The following MYO16 variants were observed in gnomAD, a reference collection of about 807,000 sequenced individuals.
MYO16 encodes the protein unconventional myosin-XVI.
Under a neutral mutation model 205.3 loss-of-function variants are expected in MYO16, and 94 were observed. That is an observed-to-expected ratio of 0.46 (90% CI 0.39 to 0.54). MYO16 has a LOEUF of 0.54. Ranked by LOEUF, MYO16 falls within the 20% of genes least tolerant of loss-of-function variation. MYO16 has a pLI of 0.00. For synonymous variants in MYO16, 988 were observed against 954.0 expected, an observed-to-expected ratio of 1.04 and a Z score of -0.66; for missense variants, 2,315 against 2,387.5, an observed-to-expected ratio of 0.97 and a Z score of 0.63.
At chr13:108,887,045 G>A (rs538952488) in intron 13 of MYO16, among the ~76,000 whole-genome samples, 2 of 152,204 alleles carry the variant, frequency 1.3e-5, no homozygotes, top group Non-Finnish European at 2.9e-5. Flanking sequence ...GTTGTTAACG[G>A]ATCATTATTG....
the MYO16 span, among the ~76,000 whole-genome samples, chr13:108,525,536 C>T: frequency 7.9e-5 from 12 of 152,234 alleles, no homozygotes; most frequent in East Asian, 2.1e-3. Flanking sequence ...CACACACTAC[C>T]CCCCAGTTTT....
chr13:109,140,664 C>A lies in MYO16; in HGVS notation c.4452C>A (p.Arg1484=), dbSNP rs1356677059. The A allele has an allele frequency of 1.3e-6, 2 of 1,492,198 alleles. No individual in the cohort carries two copies. Among genetic ancestry groups the A allele is most frequent in the Admixed American group, 2.3e-5 (1 of 42,802 alleles). The allele number at this position is 1,492,198 out of a possible 1,614,324, so 92.4% of individuals were successfully genotyped here. A position where few individuals can be genotyped will look rare whatever the true frequency, so the allele number is the denominator to read the frequency against. ...LHGASPPLLH[R]APEDEAAGPP... The stretch of plus-strand genomic sequence containing the variant: ...GCGCATCGCCGCCCCTGCTCCACCG[C>A]GCGCCGGAGGACGAGGCGGCGGGGC... Residue 1484 remains arginine, a synonymous_variant, in exon 32 of 35, where the codon CGC becomes CGA. Transcript: ENST00000457511. This position sits in a 1 kb window ranked among gnomAD's most constrained non-coding sequence, Gnocchi z 8.0.
In MYO16 at chr13:108,650,890, C is replaced by A. The variant is rs1880971180; in HGVS notation, c.29-14996C>A. 2.0e-5 allele frequency among the ~76,000 whole-genome samples: 3 copies of A among 152,186 alleles called. No homozygotes were observed. In the South Asian group the frequency reaches 6.2e-4, roughly 31 times the overall value. ...AACAGCCATAGGAGGCAGTTCTGAT[C>A]TTAAAGGGCCAGATTTTTTAGAGAA... is the stretch of plus-strand genomic sequence containing the variant. On this transcript the variant is annotated intron_variant, in intron 1 of 34. Transcript: ENST00000457511.
At chr13:108,501,888 T>C in the MYO16 span, among the ~76,000 whole-genome samples, 4 of 152,174 alleles carry the variant, frequency 2.6e-5, no homozygotes, top group African/African-American at 4.8e-5. Flanking sequence ...TTTAGTATAA[T>C]TTATGAGGTA....
chr13:108,662,563 G>A (rs1285377328), intron 1 of MYO16, among the ~76,000 whole-genome samples: 1 of 152,058 alleles, frequency 6.6e-6, no homozygotes, highest in Non-Finnish European at 1.5e-5. Context: ...AGGGAACTGG[G>A]GGAAAGCCGG....
intron 21 of MYO16, among the ~76,000 whole-genome samples, chr13:109,002,057 A>G (rs1885233014): frequency 6.6e-6 from 1 of 152,196 alleles, no homozygotes; most frequent in African/African-American, 2.4e-5. Flanking sequence ...AGTGTGTTCA[A>G]CCATGTCTAC....
chr13:108,973,384 T>A (rs1048509527), intron 20 of MYO16, among the ~76,000 whole-genome samples: 2 of 152,216 alleles, frequency 1.3e-5, no homozygotes, highest in African/African-American at 4.8e-5. Flanking sequence ...AGGTTATTAT[T>A]TGTTTAATTC....
At chr13:108,660,809 A>T (rs13378240) in intron 1 of MYO16, among the ~76,000 whole-genome samples, 50,279 of 152,014 alleles carry the variant, frequency 0.33, 9,041 homozygotes, top group African/African-American at 0.49. Context: ...ATCATTGCTT[A>T]CATCATGCTT....
At chr13:108,840,166 C>A (rs971916594) in intron 9 of MYO16, among the ~76,000 whole-genome samples, 1 of 152,088 alleles carries the variant, frequency 6.6e-6, no homozygotes, top group East Asian at 1.9e-4. Flanking sequence ...AATATATGAT[C>A]CTCTGTCCCC....
intron 10 of MYO16, among the ~76,000 whole-genome samples, chr13:108,854,634 T>C (rs1000037559): frequency 3.3e-5 from 5 of 152,116 alleles, no homozygotes; most frequent in African/African-American, 4.8e-5. Context: ...GATAAGAATA[T>C]TCTTATTCTT....
the MYO16 span, among the ~76,000 whole-genome samples, chr13:108,532,450 T>G: frequency 1.3e-5 from 2 of 151,254 alleles, no homozygotes; most frequent in Admixed American, 1.3e-4. Flanking sequence ...TGCTTGTTTT[T>G]GAGAAGAGAG....
At chr13:108,605,103 C>T (rs1218144983) in intron 1 of MYO16, among the ~76,000 whole-genome samples, 1 of 152,138 alleles carries the variant, frequency 6.6e-6, no homozygotes, top group African/African-American at 2.4e-5. Context: ...CCCTTGTATC[C>T]TTTATCATAG....
chr13:108,679,267 T>G (rs931775177), intron 2 of MYO16, among the ~76,000 whole-genome samples: 3 of 152,202 alleles, frequency 2.0e-5, no homozygotes, highest in Non-Finnish European at 4.4e-5. Flanking sequence ...ACTACTGACC[T>G]ACATCAACCC....
chr13:108,539,108 T>C, the MYO16 span, among the ~76,000 whole-genome samples: 1 of 152,130 alleles, frequency 6.6e-6, no homozygotes, highest in Non-Finnish European at 1.5e-5. Context: ...TGAGTTGTTA[T>C]TTATCGGAAA....
At chr13:108,838,490 TGTCTCTA>T (rs1380657075) in intron 9 of MYO16, among the ~76,000 whole-genome samples, 1 of 149,242 alleles carries the variant, frequency 6.7e-6, no homozygotes, top group Non-Finnish European at 1.5e-5. Context: ...AATGAAACCC[TGTCTCTA>T]GTAAAAATTA....
intron 16 of MYO16, among the ~76,000 whole-genome samples, chr13:108,956,532 C>T (rs1883353345): frequency 6.6e-6 from 1 of 151,418 alleles, no homozygotes. Context: ...TTTTTTTTTC[C>T]AAGCTATACA....
intron 16 of MYO16, among the ~76,000 whole-genome samples, chr13:108,943,075 T>A (rs952697409): frequency 6.6e-6 from 1 of 152,224 alleles, no homozygotes; most frequent in African/African-American, 2.4e-5. Flanking sequence ...ACAGTTGAAT[T>A]TGCCGTGATG....
intron 27 of MYO16, among the ~76,000 whole-genome samples, chr13:109,074,744 C>T (rs1480733550): frequency 6.6e-6 from 1 of 152,024 alleles, no homozygotes; most frequent in Admixed American, 6.6e-5. Flanking sequence ...ACAAAAACAG[C>T]ATGGGGGAAC....
chr13:109,160,103 T>TCTG (rs1878303580), intron 32 of MYO16, among the ~76,000 whole-genome samples: 1 of 152,218 alleles, frequency 6.6e-6, no homozygotes, highest in African/African-American at 2.4e-5. Context: ...ATTTCTGGCC[T>TCTG]CTGCTCACCA....
Sources: allele counts gnomAD v4.1 joint callset (sites outside exome capture counted in the v4.1 genomes callset), GRCh38; gene constraint gnomAD v4.1.1; non-coding constraint Gnocchi (gnomAD v3.1); transcripts MANE v1.5; gene names NCBI Gene and HGNC (gene_info 2026-07-23, HGNC 2026-07-21).